The following RP1 variants were observed in gnomAD, a reference collection of about 807,000 sequenced individuals.
RP1 encodes the protein oxygen-regulated protein 1.
A neutral mutation model predicts 14.8 loss-of-function variants in RP1; 16 were observed. The ratio of observed to expected loss-of-function variants is 1.08; its 90% CI spans 0.73 to 1.65. RP1 has a LOEUF of 1.65. Among genes scored for constraint, RP1 ranks in the 40% most tolerant of loss-of-function variants. RP1 has a pLI of 0.00. For synonymous variants in RP1, 876 were observed against 883.6 expected, an observed-to-expected ratio of 0.99 and a Z score of 0.15; for missense variants, 2,631 against 2,535.0, an observed-to-expected ratio of 1.04 and a Z score of -0.81.
At chr8:54,729,815 T>A (rs1019314276) in intron 17 of RP1, among the ~76,000 whole-genome samples, 1 of 152,106 alleles carries the variant, frequency 6.6e-6, no homozygotes, top group African/African-American at 2.4e-5. Flanking sequence ...TTTCTTATTA[T>A]AATTTGTAAT....
downstream of RP1, among the ~76,000 whole-genome samples, chr8:54,632,849 G>T (rs1806275612): frequency 6.6e-6 from 1 of 152,114 alleles, no homozygotes; most frequent in Admixed American, 6.5e-5. Context: ...GAAATTTAAG[G>T]ATATTATAGA....
Position 54,625,703 on chromosome 8 carries a change from T to G in RP1, c.1821T>G (p.Pro607=). 1 of 1,614,124 alleles carries G rather than the reference T, an allele frequency of 6.2e-7. No homozygotes were observed. The highest frequency in any genetic ancestry group is 8.5e-7 in the Non-Finnish European group (1 of 1,179,998). The change falls in exon 4 of 4, where the codon CCT becomes CCG. Residue 607 remains proline (P), a synonymous_variant. Transcript: ENST00000220676. ...TYGNTNDRFS[P]ISADATHFSS... The stretch of plus-strand genomic sequence containing the variant: ...GTAACACCAATGATAGGTTCAGTCC[T>G]ATTTCAGCAGATGCAACCCATTTTT...
chr8:54,625,833 C>T lies in RP1; in HGVS notation c.1951C>T (p.Gln651Ter). 5 of 1,613,384 alleles carry T rather than the reference C, an allele frequency of 3.1e-6. No homozygotes were observed. Among genetic ancestry groups the T allele is most frequent in the Non-Finnish European group, 4.2e-6 (5 of 1,179,952 alleles). The change falls in exon 4 of 4, where the codon CAG becomes TAG. Residue 651 changes from glutamine to a stop codon, truncating the protein, a stop_gained. Transcript: ENST00000220676. LOFTEE classifies it low-confidence loss of function (END_TRUNC). ...RIDRLINEFA[Q>*]CGLTKLPKNE... ...TGACAGACTAATTAATGAATTTGCT[C>T]AGTGTGGTTTAACAAAACTTCCAAA... is the stretch of plus-strand genomic sequence containing the variant.
intron 6 of RP1, among the ~76,000 whole-genome samples, chr8:54,656,992 A>G (rs2129327566): frequency 6.6e-6 from 1 of 152,238 alleles, no homozygotes; most frequent in East Asian, 1.9e-4. Flanking sequence ...TTGAGGGAAC[A>G]TAGACTGGTA....
At chr8:54,650,687 C>T (rs1273568384) in intron 4 of RP1, among the ~76,000 whole-genome samples, 1 of 128,970 alleles carries the variant, frequency 7.8e-6, no homozygotes, top group Non-Finnish European at 1.6e-5. Context: ...CCTCCTCCCT[C>T]CTCCCCTCCC....
At chr8:54,773,505 T>A (rs1435351353), downstream of RP1, among the ~76,000 whole-genome samples, 2 of 152,016 alleles carry the variant, frequency 1.3e-5, no homozygotes, top group African/African-American at 2.4e-5. Flanking sequence ...AGTGTGGTAG[T>A]GCATGCCTGT....
chr8:54,720,780 T>C (rs1348806161), intron 16 of RP1, among the ~76,000 whole-genome samples: 1 of 152,192 alleles, frequency 6.6e-6, no homozygotes, highest in Non-Finnish European at 1.5e-5. Context: ...AATGTGAATA[T>C]TTTGAAACTG....
At chr8:54,739,440 A>G (rs1809015365) in intron 19 of RP1, among the ~76,000 whole-genome samples, 1 of 152,164 alleles carries the variant, frequency 6.6e-6, no homozygotes, top group Non-Finnish European at 1.5e-5. Flanking sequence ...AATAATGTGA[A>G]CAAAATTTTT....
chr8:54,683,705 C>T (rs1003361482), intron 12 of RP1, among the ~76,000 whole-genome samples: 1 of 152,114 alleles, frequency 6.6e-6, no homozygotes, highest in Non-Finnish European at 1.5e-5. Flanking sequence ...TGGGTTGAGA[C>T]AATGGGATTT....
intron 13 of RP1, among the ~76,000 whole-genome samples, chr8:54,700,570 T>C (rs992412595): frequency 6.6e-6 from 1 of 152,246 alleles, no homozygotes; most frequent in Non-Finnish European, 1.5e-5. Context: ...GGTCATAGTA[T>C]ATGCTTAAGA....
chr8:54,638,946 T>C (rs1049164622), intron 3 of RP1, among the ~76,000 whole-genome samples: 2 of 152,024 alleles, frequency 1.3e-5, no homozygotes, highest in African/African-American at 4.8e-5. Flanking sequence ...AATTTACATT[T>C]GATAAAATCT....
Position 54,606,897 on chromosome 8 carries a change from G to GT in RP1, c.-12-14058_-12-14057insT, listed in dbSNP as rs1805460185. On this transcript the variant is annotated intron_variant, in intron 1 of 22. Transcript: ENST00000636932. Reference sequence around the variant, plus strand: ...CGTGCCATGGTTTTCAGCTCCATCAGGTCCTTTAAGGACTTCTCTGTATTG... The same window carrying GT: ...CGTGCCATGGTTTTCAGCTCCATCAGTGTCCTTTAAGGACTTCTCTGTATTG... 2.6e-5 allele frequency among the ~76,000 whole-genome samples: 4 copies of GT among 152,164 alleles called. No individual in the cohort carries two copies. In the East Asian group the frequency reaches 7.7e-4, roughly 29 times the overall value.
intron 1 of RP1, among the ~76,000 whole-genome samples, chr8:54,568,227 G>A (rs1159280375): frequency 6.6e-6 from 1 of 152,134 alleles, no homozygotes; most frequent in Non-Finnish European, 1.5e-5. Context: ...TCAGTGATTG[G>A]AACAGTGACA....
intron 25 of RP1, among the ~76,000 whole-genome samples, chr8:54,847,338 C>T (rs1309920618): frequency 6.6e-6 from 1 of 152,122 alleles, no homozygotes; most frequent in Non-Finnish European, 1.5e-5. Context: ...AACTGTCTTC[C>T]CCCAAGAAAT....
chr8:54,689,592 G>C (rs1807660109), intron 12 of RP1, among the ~76,000 whole-genome samples: 1 of 152,086 alleles, frequency 6.6e-6, no homozygotes, highest in African/African-American at 2.4e-5. Context: ...ACTGTCATCA[G>C]TGTTGCATGA....
chr8:54,561,797 T>C (rs1302689123), intron 1 of RP1: 1 of 152,234 alleles, frequency 6.6e-6, no homozygotes, highest in Non-Finnish European at 1.5e-5. Context: ...ATAGACTGCT[T>C]TCTATACATG....
In RP1 at chr8:54,629,312, A is replaced by G; in HGVS notation, c.5430A>G (p.Gln1810=). The change falls in exon 4 of 4, where the codon CAA becomes CAG. Residue 1810 remains glutamine (Q), a synonymous_variant. Coordinates refer to ENST00000220676, the MANE Select transcript of RP1 (RefSeq NM_006269.2). ...CTTCAGAACTCGAGGAACTGACTCA[A>G]CCCCTTGAACTAAAATGCAATTACT... is the stretch of plus-strand genomic sequence containing the variant. The part of the protein sequence containing the change: ...LSSSELEELT[Q]PLELKCNYFN... 6.2e-7 allele frequency: 1 copy of G among 1,613,818 alleles called. No individual in the cohort carries two copies. The highest frequency in any genetic ancestry group is 8.5e-7 in the Non-Finnish European group (1 of 1,179,862).
chr8:54,696,566 C>A, intron 12 of RP1: 1 of 732,018 alleles, frequency 1.4e-6, no homozygotes, highest in Non-Finnish European at 2.4e-6. Context: ...ATTATTCCTA[C>A]ATGACTCCTG....
chr8:54,729,170 G>A (rs186715609), intron 17 of RP1, among the ~76,000 whole-genome samples: 92 of 152,212 alleles, frequency 6.0e-4, no homozygotes, highest in Middle Eastern at 3.4e-3. Flanking sequence ...TATCTTTCCG[G>A]CAACTACCTA....
Sources: gnomAD v4.1 joint callset for allele counts (sites outside exome capture counted in the v4.1 genomes callset) on GRCh38, gnomAD v4.1.1 for gene constraint, MANE v1.5 for transcripts, NCBI Gene and HGNC (gene_info 2026-07-23, HGNC 2026-07-21) for gene names.